Variants in DUS2 observed in about 807,000 individuals in gnomAD.
The protein encoded by DUS2 is tRNA-dihydrouridine(20) synthase [NAD(P)+]-like.
A neutral mutation model predicts 71.3 loss-of-function variants in DUS2; 52 were observed. That is an observed-to-expected ratio of 0.73 (90% CI 0.58 to 0.92). The LOEUF is 0.92. DUS2 is among the 40% of genes least tolerant of loss of function. The probability of loss-of-function intolerance (pLI) is 0.00; values close to 1 mark genes in which losing one functional copy is unlikely to be tolerated. For missense variants in DUS2, 558 were observed against 622.6 expected (o/e 0.90, Z 1.10); for synonymous variants, 204 against 227.8 (o/e 0.90, Z 0.94).
At chr16:68,043,669 T>C (rs1296199352) in intron 3 of DUS2, among the ~76,000 whole-genome samples, 1 of 152,210 alleles carries the variant, frequency 6.6e-6, no homozygotes. Flanking sequence ...AAATAATTTC[T>C]TTTCTTTTTT....
chr16:68,079,091 G>C lies in DUS2; in HGVS notation c.*105G>C. 1 of 1,126,124 alleles carries C rather than the reference G, an allele frequency of 8.9e-7. No individual in the cohort carries two copies. Among genetic ancestry groups the C allele is most frequent in the South Asian group, 1.9e-5 (1 of 53,958 alleles). 69.8% of individuals were successfully genotyped at this position (1,126,124 alleles called of 1,614,324 possible). A position where few individuals can be genotyped will look rare whatever the true frequency, so the allele number is the denominator to read the frequency against. ...GTTGAACAGTTTGCTGGTCTTGCCT[G>C]GCAGAAGTTAGATGTCCTGGCAGGG... On this transcript the variant is annotated 3_prime_UTR_variant, in exon 17 of 17. Transcript: ENST00000565263.
chr16:68,034,333 T>C (rs1307222970), intron 2 of DUS2, among the ~76,000 whole-genome samples: 5 of 152,198 alleles, frequency 3.3e-5, no homozygotes, highest in Non-Finnish European at 4.4e-5. Flanking sequence ...CTCCCCACCA[T>C]GGCCTCCTTA....
chr16:68,075,606 G>A, intron 14 of DUS2, 102 bp downstream of exon 14: 3 of 1,206,404 alleles, frequency 2.5e-6, no homozygotes, highest in Middle Eastern at 2.6e-4. Flanking sequence ...TCAAACGTAG[G>A]GACCACAGGT....
chr16:68,072,299 C>T (rs2034098584), intron 12 of DUS2, among the ~76,000 whole-genome samples: 2 of 152,206 alleles, frequency 1.3e-5, no homozygotes, highest in Non-Finnish European at 2.9e-5. Flanking sequence ...AGTTGGTGAC[C>T]ACCAGCTCTC....
intron 7 of DUS2, among the ~76,000 whole-genome samples, chr16:68,057,081 T>C (rs1206452529): frequency 9.4e-6 from 1 of 106,674 alleles, no homozygotes; most frequent in Non-Finnish European, 2.0e-5. Flanking sequence ...GTTATAAATA[T>C]ATAATATATA....
intron 13 of DUS2, among the ~76,000 whole-genome samples, chr16:68,074,929 C>T (rs891707468): frequency 5.3e-5 from 8 of 152,180 alleles, no homozygotes; most frequent in Admixed American, 5.2e-4. Context: ...AGCTGAGACC[C>T]ATGTATAACT....
intron 7 of DUS2, among the ~76,000 whole-genome samples, chr16:68,057,640 G>T (rs894701811): frequency 6.6e-6 from 1 of 151,966 alleles, no homozygotes; most frequent in Non-Finnish European, 1.5e-5. Flanking sequence ...AGCACTTTGG[G>T]AGGCTGAGGT....
At chr16:68,043,854 G>C (rs991283520) in intron 3 of DUS2, among the ~76,000 whole-genome samples, 1 of 152,116 alleles carries the variant, frequency 6.6e-6, no homozygotes, top group East Asian at 1.9e-4. Flanking sequence ...TGGTAGAGAC[G>C]GGGTTTTGGC....
intron 2 of DUS2, among the ~76,000 whole-genome samples, chr16:68,028,540 G>A (rs906155467): frequency 2.6e-5 from 4 of 152,114 alleles, no homozygotes; most frequent in East Asian, 3.8e-4. Context: ...TCGAGAGGCT[G>A]AGGCAAGAGA....
chr16:68,052,140 A>G (rs902494011), intron 4 of DUS2, among the ~76,000 whole-genome samples: 8 of 151,876 alleles, frequency 5.3e-5, no homozygotes, highest in Non-Finnish European at 1.2e-4. Flanking sequence ...CCCTAACCTC[A>G]GGTAACCCAC....
At chr16:68,057,279 G>GAA (rs1460434780) in intron 7 of DUS2, among the ~76,000 whole-genome samples, 4 of 146,808 alleles carry the variant, frequency 2.7e-5, no homozygotes, top group Non-Finnish European at 4.5e-5. Context: ...GAGAGAGAGA[G>GAA]AACTCATGCC....
intron 1 of DUS2, among the ~76,000 whole-genome samples, chr16:68,024,831 CTTTT>C (rs568848831): frequency 1.5e-5 from 2 of 132,238 alleles, no homozygotes; most frequent in African/African-American, 2.8e-5. Context: ...TGGCTGGATA[CTTTT>C]TTTTTTTTTT....
intron 7 of DUS2, among the ~76,000 whole-genome samples, chr16:68,057,203 T>G (rs1244033225): frequency 7.0e-6 from 1 of 143,568 alleles, no homozygotes; most frequent in Non-Finnish European, 1.5e-5. Context: ...ATTACATATA[T>G]AAATGTATAT....
chr16:68,061,178 C>G lies in DUS2; in HGVS notation c.417+65C>G, dbSNP rs372151693. 7.9e-4 allele frequency: 1,197 copies of G among 1,512,628 alleles called. 14 individuals carry two copies. In the African/African-American group the frequency reaches 0.014, roughly 18 times the overall value. The allele number at this position is 1,512,628 out of a possible 1,614,324, so 93.7% of individuals were successfully genotyped here. Reference sequence around the variant, plus strand: ...AGCTCCAAACTAGAATTGTCTAGAACGCCTCCTTCCACCAATACCAGATTT... The same window carrying G: ...AGCTCCAAACTAGAATTGTCTAGAAGGCCTCCTTCCACCAATACCAGATTT... On this transcript the variant is annotated intron_variant, in intron 8 of 16. Coordinates refer to ENST00000565263, the MANE Select transcript of DUS2 (RefSeq NM_017803.5).
intron 3 of DUS2, among the ~76,000 whole-genome samples, chr16:68,047,499 C>G (rs551294581): frequency 6.6e-6 from 1 of 150,612 alleles, no homozygotes; most frequent in Admixed American, 6.6e-5. Context: ...TGTTTTTTCC[C>G]GAGATGGAGT....
chr16:68,039,739 A>G (rs2033593630), intron 3 of DUS2, among the ~76,000 whole-genome samples: 1 of 144,670 alleles, frequency 6.9e-6, no homozygotes, highest in Non-Finnish European at 1.5e-5. Flanking sequence ...CTTGAAAAAA[A>G]GCAAGGAAGG....
chr16:68,029,859 T>A (rs1448194500), intron 2 of DUS2, among the ~76,000 whole-genome samples: 1 of 151,278 alleles, frequency 6.6e-6, no homozygotes, highest in Non-Finnish European at 1.5e-5. Context: ...TCCCAACACT[T>A]TGGGAGGCTG....
Position 68,037,926 on chromosome 16 carries a change from A to G in DUS2, c.-18-80A>G, listed in dbSNP as rs910810511. On this transcript the variant is annotated intron_variant, in intron 2 of 16. Coordinates refer to ENST00000565263, the MANE Select transcript of DUS2 (RefSeq NM_017803.5). ...AAACTACTGTGTGCTGGAACCTTGA[A>G]GAAGGGAAGCCTGCTCTTGATAACA... The G allele has an allele frequency of 1.3e-5, 19 of 1,423,554 alleles. No individual in the cohort carries two copies. The East Asian group carries it at 3.5e-4, about 26-fold the overall frequency. The allele number at this position is 1,423,554 out of a possible 1,614,324, so 88.2% of individuals were successfully genotyped here.
At chr16:68,062,736 A>G (rs1234290210) in intron 8 of DUS2, among the ~76,000 whole-genome samples, 1 of 151,768 alleles carries the variant, frequency 6.6e-6, no homozygotes, top group Non-Finnish European at 1.5e-5. Context: ...AAAAAAAAAA[A>G]AAAAGATCAT....
Sources: allele counts gnomAD v4.1 joint callset (sites outside exome capture counted in the v4.1 genomes callset), GRCh38; gene constraint gnomAD v4.1.1; transcripts MANE v1.5; gene names NCBI Gene and HGNC (gene_info 2026-07-23, HGNC 2026-07-21).